The following TNR variants were observed in gnomAD, a reference collection of about 807,000 sequenced individuals.
TNR encodes tenascin-R.
In TNR, 45 loss-of-function variants were observed where a neutral mutation model predicts 150.4. The ratio of observed to expected loss-of-function variants is 0.30; its 90% CI spans 0.24 to 0.38. The LOEUF is 0.38. Among genes scored for constraint, TNR ranks in the 10% least tolerant of loss-of-function variants. The pLI is 1.00. For missense variants in TNR, 1,544 were observed against 1,759.1 expected (o/e 0.88, Z 2.19); for synonymous variants, 687 against 678.4 (o/e 1.01, Z -0.20).
intron 1 of TNR, among the ~76,000 whole-genome samples, chr1:175,739,949 A>G (rs1261825790): frequency 6.6e-6 from 1 of 152,254 alleles, no homozygotes; most frequent in Non-Finnish European, 1.5e-5. Context: ...TATGAACTCC[A>G]TCAAATAACT....
At chr1:175,379,870 C>T (rs914784761) in intron 8 of TNR, 133 bp from the exon 9 acceptor site, 1 of 1,013,116 alleles carries the variant, frequency 9.9e-7, no homozygotes, top group Non-Finnish European at 1.4e-6. Flanking sequence ...TGAATGAACA[C>T]TGTGGCTACC....
chr1:175,464,223 A>G (rs1656935138), intron 2 of TNR, among the ~76,000 whole-genome samples: 1 of 152,228 alleles, frequency 6.6e-6, no homozygotes, highest in Non-Finnish European at 1.5e-5. Flanking sequence ...TAAACTCAGC[A>G]CTTCTGAATG....
intron 1 of TNR, among the ~76,000 whole-genome samples, chr1:175,692,037 C>T (rs893164635): frequency 4.6e-5 from 7 of 152,120 alleles, no homozygotes; most frequent in Admixed American, 2.0e-4. Context: ...CACTTTGCAT[C>T]GGCAAAGTAG....
At chr1:175,474,519 T>A (rs1657459839) in intron 2 of TNR, among the ~76,000 whole-genome samples, 1 of 152,222 alleles carries the variant, frequency 6.6e-6, no homozygotes, top group Admixed American at 6.5e-5. Context: ...CCACCTAAGC[T>A]GTGGCAATTT....
At chr1:175,383,644 C>T (rs1652788357) in intron 8 of TNR, among the ~76,000 whole-genome samples, 1 of 152,244 alleles carries the variant, frequency 6.6e-6, no homozygotes, top group African/African-American at 2.4e-5. Context: ...CTTTAATTGC[C>T]TGTGCAATTA....
At chr1:175,376,272 C>G (rs543966403) in intron 9 of TNR, among the ~76,000 whole-genome samples, 1 of 152,208 alleles carries the variant, frequency 6.6e-6, no homozygotes, top group Non-Finnish European at 1.5e-5. Context: ...TCTCTTTCGT[C>G]TTCACCACTG....
chr1:175,614,495 G>C (rs1663705797), intron 1 of TNR, among the ~76,000 whole-genome samples: 1 of 152,182 alleles, frequency 6.6e-6, no homozygotes, highest in African/African-American at 2.4e-5. Context: ...CACCTTCTTG[G>C]CAGAATGTCT....
intron 2 of TNR, among the ~76,000 whole-genome samples, chr1:175,478,449 G>A (rs1657642453): frequency 6.6e-6 from 1 of 152,168 alleles, no homozygotes; most frequent in East Asian, 1.9e-4. Flanking sequence ...AGCTCTCTGT[G>A]CATCCACTTC....
At chr1:175,698,304 G>A (rs12075505) in intron 1 of TNR, among the ~76,000 whole-genome samples, 4,895 of 152,234 alleles carry the variant, frequency 0.032, 252 homozygotes, top group African/African-American at 0.1. Flanking sequence ...AGTCTTTGCC[G>A]TTCCATATGG....
chr1:175,456,901 C>A (rs931055604), intron 2 of TNR, among the ~76,000 whole-genome samples: 3 of 152,176 alleles, frequency 2.0e-5, no homozygotes, highest in African/African-American at 4.8e-5. Flanking sequence ...AGGATTTAGA[C>A]AATTTATGAG....
chr1:175,622,843 T>TTAACTTAACTTAAAG (rs1172372967), intron 1 of TNR, among the ~76,000 whole-genome samples: 1 of 152,182 alleles, frequency 6.6e-6, no homozygotes, highest in Non-Finnish European at 1.5e-5. Flanking sequence ...ATGGGCACTC[T>TTAACTTAACTTAAAG]CTGGCATGCC....
intron 1 of TNR, among the ~76,000 whole-genome samples, chr1:175,645,697 A>G (rs1481275856): frequency 1.3e-5 from 2 of 152,234 alleles, no homozygotes; most frequent in Admixed American, 1.3e-4. Context: ...TGGTCCAGGA[A>G]TATAGTTTTT....
chr1:175,722,666 C>T (rs754568592), intron 1 of TNR, among the ~76,000 whole-genome samples: 38 of 152,168 alleles, frequency 2.5e-4, no homozygotes, highest in Admixed American at 5.9e-4. Context: ...GGTTTCACCA[C>T]GTTGCTCACA....
At chr1:175,493,761 C>T (rs1383481792) in intron 2 of TNR, among the ~76,000 whole-genome samples, 5 of 152,228 alleles carry the variant, frequency 3.3e-5, no homozygotes, top group African/African-American at 1.2e-4. Flanking sequence ...GGAGCCGGTG[C>T]CTGGGCAGCA....
intron 19 of TNR, among the ~76,000 whole-genome samples, chr1:175,336,233 C>T (rs889487624): frequency 2.2e-4 from 34 of 152,224 alleles, no homozygotes; most frequent in Admixed American, 1.8e-3. Flanking sequence ...CTGTCATCGT[C>T]CTATTGCAGG....
chr1:175,335,641 A>G (rs551749161), intron 20 of TNR, 70 bp downstream of exon 20: 1 of 1,447,180 alleles, frequency 6.9e-7, no homozygotes, highest in Non-Finnish European at 9.6e-7. Context: ...TCTCAGATGG[A>G]CACAAAAAGG....
intron 2 of TNR, among the ~76,000 whole-genome samples, chr1:175,478,017 G>A (rs1020534825): frequency 2.6e-5 from 4 of 152,128 alleles, no homozygotes; most frequent in South Asian, 2.1e-4. Context: ...CTTGCTGGGC[G>A]CTCAAAGAAT....
chr1:175,733,649 A>G (rs934251859), intron 1 of TNR, among the ~76,000 whole-genome samples: 9 of 152,166 alleles, frequency 5.9e-5, no homozygotes, highest in Admixed American at 5.2e-4. Flanking sequence ...ACCATTTTTA[A>G]TGAGAGATTG....
intron 16 of TNR, among the ~76,000 whole-genome samples, 198 bp downstream of exon 16, chr1:175,356,121 C>G (rs181722579): frequency 2.0e-5 from 3 of 152,216 alleles, no homozygotes; most frequent in African/African-American, 7.2e-5. Flanking sequence ...AGGGTGAGAG[C>G]AGAAAACAGA....
Sources: gnomAD v4.1 joint callset for allele counts (sites outside exome capture counted in the v4.1 genomes callset) on GRCh38, gnomAD v4.1.1 for gene constraint, MANE v1.5 for transcripts, NCBI Gene and HGNC (gene_info 2026-07-23, HGNC 2026-07-21) for gene names.